The following SPMAP2 variants were observed in gnomAD, a reference collection of about 807,000 sequenced individuals.
The protein encoded by SPMAP2 is sperm microtubule associated protein 2.
the SPMAP2 span, chr19:367,016 G>A: frequency 3.1e-6 from 5 of 1,591,908 alleles, no homozygotes; most frequent in African/African-American, 1.4e-5. Flanking sequence ...GTGTCCCTTG[G>A]GATCTGAACA....
the SPMAP2 span, chr19:362,231 T>C: frequency 6.4e-7 from 1 of 1,564,760 alleles, no homozygotes. Flanking sequence ...ATCACACTTT[T>C]CTGGTGATGC....
At chr19:365,098 A>C in the SPMAP2 span, among the ~76,000 whole-genome samples, 4 of 152,212 alleles carry the variant, frequency 2.6e-5, no homozygotes, top group South Asian at 8.3e-4. Context: ...AGGCCATCTG[A>C]ATGGAAACTG....
At chr19:362,486 G>C in the SPMAP2 span, 1 of 1,404,694 alleles carries the variant, frequency 7.1e-7, no homozygotes, top group Non-Finnish European at 9.7e-7. Flanking sequence ...TCCACATTCA[G>C]GCTGGGCATG....
At chr19:370,524 G>C in the SPMAP2 span, among the ~76,000 whole-genome samples, 1 of 90,412 alleles carries the variant, frequency 1.1e-5, no homozygotes, top group African/African-American at 3.6e-5. Flanking sequence ...TTTTTTTTTT[G>C]TATTTTTAGT....
the SPMAP2 span, among the ~76,000 whole-genome samples, chr19:364,778 C>A: frequency 1.3e-5 from 2 of 152,020 alleles, no homozygotes; most frequent in African/African-American, 4.8e-5. Flanking sequence ...ATCTCTCCCC[C>A]ACCCCTTCCT....
chr19:371,297 G>A, the SPMAP2 span: 17 of 1,495,002 alleles, frequency 1.1e-5, no homozygotes, highest in Middle Eastern at 1.8e-4. Flanking sequence ...AGGGAGGACC[G>A]AGGAATGGGC....
the SPMAP2 span, chr19:361,940 G>A: frequency 9.7e-4 from 294 of 302,548 alleles, 7 homozygotes; most frequent in Middle Eastern, 3.7e-3. Context: ...TTCCGACTCC[G>A]ACGGTCCCGT....
chr19:372,753 T>G, the SPMAP2 span: 415 of 1,440,288 alleles, frequency 2.9e-4, no homozygotes, highest in Non-Finnish European at 3.5e-4. Flanking sequence ...CACCCTGCAG[T>G]TCCCAGGGGC....
the SPMAP2 span, chr19:375,514 G>A: frequency 9.9e-5 from 86 of 867,690 alleles, no homozygotes; most frequent in East Asian, 1.6e-3. Flanking sequence ...AGGCTGACTC[G>A]GCAGGGCCGG....
At chr19:369,059 G>A in the SPMAP2 span, among the ~76,000 whole-genome samples, 3 of 152,172 alleles carry the variant, frequency 2.0e-5, no homozygotes, top group African/African-American at 4.8e-5. Flanking sequence ...TACTGGGTTC[G>A]TGTTTTAAAA....
the SPMAP2 span, chr19:372,758 A>C: frequency 6.5e-7 from 1 of 1,542,866 alleles, no homozygotes; most frequent in Non-Finnish European, 9.0e-7. Context: ...TGCAGTTCCC[A>C]GGGGCTTCTG....
chr19:363,156 T>C, the SPMAP2 span, among the ~76,000 whole-genome samples: 2 of 152,204 alleles, frequency 1.3e-5, no homozygotes, highest in Admixed American at 6.5e-5. Flanking sequence ...CCTGTGACTG[T>C]ACTAAAAGCC....
chr19:364,300 G>A, the SPMAP2 span, among the ~76,000 whole-genome samples: 2 of 140,872 alleles, frequency 1.4e-5, no homozygotes, highest in South Asian at 2.2e-4. Context: ...TCGCGCCACT[G>A]CGCTCCAGCC....
chr19:373,983 A>G, the SPMAP2 span: 1 of 1,613,672 alleles, frequency 6.2e-7, no homozygotes, highest in Non-Finnish European at 8.5e-7. Flanking sequence ...GGGGAGATCC[A>G]GGCATACCCC....
chr19:362,096 C>A, the SPMAP2 span: 1 of 771,898 alleles, frequency 1.3e-6, no homozygotes, highest in South Asian at 3.4e-5. Context: ...CCTCATCCTT[C>A]TTTTGGCCTT....
At chr19:366,915 C>A in the SPMAP2 span, 1 of 915,392 alleles carries the variant, frequency 1.1e-6, no homozygotes. Context: ...TCAGACAACA[C>A]CCTCTGCTTC....
At chr19:367,054 C>T in the SPMAP2 span, 1 of 1,612,566 alleles carries the variant, frequency 6.2e-7, no homozygotes, top group Admixed American at 1.7e-5. Flanking sequence ...TAGCCTGAGG[C>T]ACCTACTTAC....
the SPMAP2 span, among the ~76,000 whole-genome samples, chr19:365,205 G>A: frequency 2.6e-5 from 4 of 152,202 alleles, no homozygotes; most frequent in Non-Finnish European, 5.9e-5. Flanking sequence ...ACAGGTGTGA[G>A]TGCTTCTCTG....
chr19:362,941 C>T, the SPMAP2 span, among the ~76,000 whole-genome samples: 2,105 of 152,112 alleles, frequency 0.014, 22 homozygotes, highest in Middle Eastern at 0.024. Context: ...GCATGTGCTG[C>T]GAGAGACCAG....
Sources: gnomAD v4.1 joint callset for allele counts (sites outside exome capture counted in the v4.1 genomes callset) on GRCh38, gnomAD v4.1.1 for gene constraint, MANE v1.5 for transcripts, NCBI Gene and HGNC (gene_info 2026-07-23, HGNC 2026-07-21) for gene names.